The following GRIK1 variants were observed in gnomAD, a reference collection of about 807,000 sequenced individuals.
GRIK1 encodes the protein glutamate receptor ionotropic, kainate 1.
A neutral mutation model predicts 105.7 loss-of-function variants in GRIK1; 69 were observed. That is an observed-to-expected ratio of 0.65 (90% CI 0.54 to 0.80). The LOEUF (loss-of-function observed/expected upper bound fraction) is 0.80, where lower values mean the gene tolerates loss of function less well. GRIK1 is among the 30% of genes least tolerant of loss of function. The pLI is 0.00. For synonymous variants in GRIK1, 438 were observed against 431.3 expected (o/e 1.02, Z -0.19); for missense variants, 1,109 against 1,167.3 (o/e 0.95, Z 0.73).
Position 29,734,349 on chromosome 21 carries a change from T to C in GRIK1, c.119-40286A>G, listed in dbSNP as rs1348364928. ...ATGGATATACTGGATCATAGCACTT[T>C]TCTTTTCTTTTCTTTTCTTTTCTTT... On this transcript the variant is annotated intron_variant, in intron 1 of 17. Transcript: ENST00000327783. Among the ~76,000 whole-genome samples, 2 of 10,474 alleles carry C rather than the reference T, an allele frequency of 1.9e-4. 1 individual carries two copies. Among genetic ancestry groups the C allele is most frequent in the East Asian group, 7.9e-3 (2 of 252 alleles). The allele number at this position is 10,474 out of a possible 152,430, so 6.9% of individuals were successfully genotyped here. A position where few individuals can be genotyped will look rare whatever the true frequency, so the allele number is the denominator to read the frequency against.
At chr21:29,700,015 T>C (rs747883457) in intron 1 of GRIK1, among the ~76,000 whole-genome samples, 12 of 152,222 alleles carry the variant, frequency 7.9e-5, no homozygotes, top group Admixed American at 2.6e-4. Flanking sequence ...CTCACATATA[T>C]TCAAGTAATA....
intron 1 of GRIK1, among the ~76,000 whole-genome samples, chr21:29,706,925 T>C (rs565970242): frequency 3.0e-4 from 45 of 152,184 alleles, no homozygotes; most frequent in Non-Finnish European, 5.6e-4. Context: ...AGTGCAGTGG[T>C]GAGATCTCAG....
At chr21:29,643,036 C>G (rs1207519888) in intron 6 of GRIK1, 67 bp from the exon 7 acceptor site, 1 of 1,459,852 alleles carries the variant, frequency 6.9e-7, no homozygotes, top group African/African-American at 1.4e-5. Context: ...CTTGCATAAT[C>G]ACTCTCCCTG....
intron 1 of GRIK1, among the ~76,000 whole-genome samples, chr21:29,879,399 A>G (rs1278009757): frequency 6.6e-6 from 1 of 152,106 alleles, no homozygotes; most frequent in African/African-American, 2.4e-5. Context: ...AGTGAAAGGC[A>G]TCCAGAAGGG....
intron 14 of GRIK1, among the ~76,000 whole-genome samples, chr21:29,576,016 C>T (rs531377280): frequency 7.9e-5 from 12 of 152,052 alleles, no homozygotes; most frequent in African/African-American, 2.7e-4. Flanking sequence ...TATTCACATG[C>T]ACATTTACCA....
At chr21:29,782,149 C>A (rs192045269) in intron 1 of GRIK1, among the ~76,000 whole-genome samples, 9 of 149,350 alleles carry the variant, frequency 6.0e-5, no homozygotes, top group Non-Finnish European at 1.0e-4. Context: ...TGCAGTGGCG[C>A]GATCTCGGCT....
intron 14 of GRIK1, 38 bp downstream of exon 14, chr21:29,576,926 A>G (rs746693475): frequency 1.8e-6 from 2 of 1,092,962 alleles, no homozygotes; most frequent in Non-Finnish European, 2.8e-6. Flanking sequence ...TACCACAAGT[A>G]TCAGATAATC....
chr21:29,622,677 T>A (rs1488035292), intron 7 of GRIK1, among the ~76,000 whole-genome samples: 1 of 152,162 alleles, frequency 6.6e-6, no homozygotes, highest in Non-Finnish European at 1.5e-5. Flanking sequence ...GTTCTAAAGG[T>A]CCCCTGTGGG....
intron 2 of GRIK1, among the ~76,000 whole-genome samples, chr21:29,692,655 G>C (rs1008467128): frequency 6.6e-6 from 1 of 152,118 alleles, no homozygotes; most frequent in South Asian, 2.1e-4. Context: ...CTTACTTCAG[G>C]CTCTACTTCC....
intron 1 of GRIK1, among the ~76,000 whole-genome samples, chr21:29,802,364 A>G (rs2066735177): frequency 6.6e-6 from 1 of 152,034 alleles, no homozygotes; most frequent in Non-Finnish European, 1.5e-5. Context: ...ACTCTTGACA[A>G]TCAAATTGAC....
chr21:29,819,471 T>A lies in GRIK1; in HGVS notation c.118+119912A>T, dbSNP rs416364. ...CCAGCATGGTTTCTATGTTGTGTGC[T>A]TGTGTGTCTGTGTGTGTGTGTGTGA... On this transcript the variant is annotated intron_variant, in intron 1 of 17. Coordinates refer to ENST00000327783, the MANE Select transcript of GRIK1 (RefSeq NM_001330994.2). Among the ~76,000 whole-genome samples, 5 of 152,040 alleles carry A rather than the reference T, an allele frequency of 3.3e-5. 1 individual carries two copies. The highest frequency in any genetic ancestry group is 1.2e-4 in the African/African-American group (5 of 41,492).
intron 4 of GRIK1, among the ~76,000 whole-genome samples, chr21:29,663,639 AT>A (rs369002179): frequency 1.3e-5 from 2 of 152,020 alleles, no homozygotes; most frequent in Non-Finnish European, 2.9e-5. Context: ...TTTGTAACAG[AT>A]TTTTTTTGGC....
At chr21:29,817,556 C>T (rs1316366188) in intron 1 of GRIK1, among the ~76,000 whole-genome samples, 2 of 152,048 alleles carry the variant, frequency 1.3e-5, no homozygotes, top group Non-Finnish European at 2.9e-5. Context: ...CAATACACTG[C>T]TTCTAAGAAG....
At chr21:29,848,779 A>ATATATATATATATATATATATTTTTTTTT in intron 1 of GRIK1, among the ~76,000 whole-genome samples, 2 of 77,866 alleles carry the variant, frequency 2.6e-5, no homozygotes, top group African/African-American at 1.2e-4. Flanking sequence ...ATATATATAT[A>ATATATATATATATATATATATTTTTTTTT]TTTTTTTTTT....
At chr21:29,647,259 G>T (rs55838877) in intron 6 of GRIK1, among the ~76,000 whole-genome samples, 7,323 of 152,316 alleles carry the variant, frequency 0.048, 271 homozygotes, top group Non-Finnish European at 0.073. Context: ...GAGTAACACT[G>T]TAAGGTGTTA....
At chr21:29,915,876 C>T (rs746149222) in intron 1 of GRIK1, among the ~76,000 whole-genome samples, 3 of 151,872 alleles carry the variant, frequency 2.0e-5, no homozygotes, top group Admixed American at 1.3e-4. Flanking sequence ...TCTGTGGATC[C>T]TGAAAATTAT....
At chr21:29,558,395 CACAT>C (rs202115559) in intron 15 of GRIK1, among the ~76,000 whole-genome samples, 2,063 of 151,496 alleles carry the variant, frequency 0.014, 41 homozygotes, top group African/African-American at 0.046. Context: ...CACACACACA[CACAT>C]ATCTTCCTGA....
rs578204096 is a variant in GRIK1 at position 29,714,410 on chromosome 21, G to T, written c.119-20347C>A. Among the ~76,000 whole-genome samples, 7 of 152,298 alleles carry T rather than the reference G, an allele frequency of 4.6e-5. No individual in the cohort carries two copies. The South Asian group carries it at 1.5e-3, about 32-fold the overall frequency. ...AGCAACAAGAAAAGAAATACAATGT[G>T]TATTTTCAATGTGGAGGACAGTTCT... On this transcript the variant is annotated intron_variant, in intron 1 of 17. Coordinates refer to ENST00000327783, the MANE Select transcript of GRIK1 (RefSeq NM_001330994.2).
At chr21:29,699,257 C>T (rs2063767918) in intron 1 of GRIK1, among the ~76,000 whole-genome samples, 1 of 152,204 alleles carries the variant, frequency 6.6e-6, no homozygotes, top group Non-Finnish European at 1.5e-5. Context: ...GCAGGCCTCA[C>T]CTCTGGATCC....
Sources: gnomAD v4.1 joint callset for allele counts (sites outside exome capture counted in the v4.1 genomes callset) on GRCh38, gnomAD v4.1.1 for gene constraint, MANE v1.5 for transcripts, NCBI Gene and HGNC (gene_info 2026-07-23, HGNC 2026-07-21) for gene names.